PEX16: variants seen among roughly 807,000 people sequenced by gnomAD.
The protein encoded by PEX16 is peroxisomal biogenesis factor 16.
PEX16 carries 37 observed loss-of-function variants against 50.5 expected under a neutral mutation model. The observed-to-expected ratio is 0.73, with a 90% CI of 0.56 to 0.96. The LOEUF is 0.96. Ranked by LOEUF, PEX16 falls within the 40% of genes least tolerant of loss-of-function variation. The pLI, the probability that PEX16 is intolerant of heterozygous loss-of-function variation, is 0.00. For synonymous variants in PEX16, 185 were observed against 190.3 expected (o/e 0.97, Z 0.23); for missense variants, 401 against 438.3 (o/e 0.91, Z 0.76).
upstream of PEX16, chr11:45,918,034 C>G: frequency 1.6e-6 from 1 of 613,764 alleles, no homozygotes; most frequent in East Asian, 2.8e-5. Flanking sequence ...GGGCCCAAAC[C>G]CGGCCCCCTA....
At position 45,914,376 on chromosome 11, in the gene PEX16, G is replaced by C. The variant is rs766253527; in HGVS notation, c.634C>G (p.Pro212Ala). 1.9e-6 allele frequency: 3 copies of C among 1,610,844 alleles called. No individual in the cohort carries two copies. Among genetic ancestry groups the C allele is most frequent in the African/African-American group, 1.3e-5 (1 of 75,064 alleles). ...GCGATGGTCTCCTGCAGCCCCAGGG[G>C]GGTGGGGGTCGCACTCAGCTCCTCG... ...HHEELSATPT[P>A]LGLQETIAEF... The change falls in exon 7 of 11, where the codon CCC (proline) becomes GCC (alanine). Residue 212 changes from proline to alanine, a missense_variant. Coordinates refer to ENST00000378750, the MANE Select transcript of PEX16 (RefSeq NM_004813.4).
chr11:45,918,061 G>A (rs2134700550), upstream of PEX16: 1 of 569,602 alleles, frequency 1.8e-6, no homozygotes, highest in South Asian at 1.9e-5. Flanking sequence ...CAAGTCATTG[G>A]TTAGCACGCT....
upstream of PEX16, chr11:45,918,743 A>T (rs2086868147): frequency 6.6e-6 from 1 of 152,172 alleles, no homozygotes; most frequent in Non-Finnish European, 1.5e-5. Context: ...CCCCCAAGGG[A>T]AGGGGAGACC....
intron 2 of PEX16, 129 bp from the exon 3 acceptor site, chr11:45,916,432 C>T: frequency 2.6e-6 from 2 of 776,338 alleles, no homozygotes; most frequent in Non-Finnish European, 4.6e-6. Context: ...TGGAAACCAA[C>T]CTTCTTCTCC....
intron 9 of PEX16, among the ~76,000 whole-genome samples, chr11:45,913,340 A>C (rs549914936): frequency 1.1e-4 from 16 of 152,200 alleles, no homozygotes; most frequent in Middle Eastern, 3.4e-3. Flanking sequence ...GGACCCTCGC[A>C]GGTGACTGAG....
chr11:45,915,169 A>T (rs1175166016), intron 5 of PEX16, among the ~76,000 whole-genome samples: 1 of 152,224 alleles, frequency 6.6e-6, no homozygotes, highest in Non-Finnish European at 1.5e-5. Context: ...TCTAGAGGCT[A>T]TGGTTCTGGA....
intron 4 of PEX16, 47 bp from the exon 5 acceptor site, chr11:45,915,615 G>A (rs192396686): frequency 3.6e-5 from 58 of 1,612,450 alleles, no homozygotes; most frequent in Middle Eastern, 1.6e-4. Flanking sequence ...GCTAGCCGGC[G>A]GGAGGCCAGG....
chr11:45,915,344 C>T (rs2086822529), intron 5 of PEX16, 124 bp downstream of exon 5: 1 of 716,166 alleles, frequency 1.4e-6, no homozygotes, highest in East Asian at 2.6e-5. Context: ...GCAATGAGAA[C>T]ACATAGTTGA....
At chr11:45,913,171 G>A (rs1292745741) in intron 9 of PEX16, among the ~76,000 whole-genome samples, 3 of 152,060 alleles carry the variant, frequency 2.0e-5, no homozygotes, top group East Asian at 1.9e-4. Flanking sequence ...AGGGGGTCCC[G>A]GGAGCCTTGT....
At chr11:45,912,489 CCA>C (rs979209083) in intron 9 of PEX16, among the ~76,000 whole-genome samples, 37 of 152,044 alleles carry the variant, frequency 2.4e-4, no homozygotes, top group African/African-American at 8.7e-4. Context: ...GGCAACAGAG[CCA>C]GACTCCATCT....
rs2086855954 is a variant in PEX16 at position 45,917,826 on chromosome 11, C to A, written c.-15G>T. 5 of 1,513,210 alleles carry A rather than the reference C, an allele frequency of 3.3e-6. No homozygotes were observed. Among genetic ancestry groups the A allele is most frequent in the Non-Finnish European group, 4.5e-6 (5 of 1,123,586 alleles). 93.7% of individuals were successfully genotyped at this position (1,513,210 alleles called of 1,614,324 possible). A position where few individuals can be genotyped will look rare whatever the true frequency, so the allele number is the denominator to read the frequency against. On this transcript the variant is annotated 5_prime_UTR_variant, in exon 1 of 11. Coordinates refer to ENST00000378750, the MANE Select transcript of PEX16 (RefSeq NM_004813.4). ...AGCTTCTCCATCCTGCCCTCGGCAC[C>A]GACAGACCCACAGAAGGACCGTACG...
Position 45,917,461 on chromosome 11 carries a change from G to A in PEX16, c.145C>T (p.Leu49=), listed in dbSNP as rs754888151. 1 of 1,613,960 alleles carries A rather than the reference G, an allele frequency of 6.2e-7. No homozygotes were observed. The highest frequency in any genetic ancestry group is 8.5e-7 in the Non-Finnish European group (1 of 1,179,976). Residue 49 remains leucine (L), a synonymous_variant, in exon 2 of 11, where the codon CTG becomes TTG. Transcript: ENST00000378750. ...RFADSHELSE[L]VYSASNLLVL... is the part of the protein sequence containing the mutation. ...CCACCCCCAGAGCCCGGCTCACCCA[G>A]CTCTGACAGCTCGTGCGAATCGGCG...
At position 45,910,307 on chromosome 11, in the gene PEX16, G is replaced by A; in HGVS notation, c.958C>T (p.Leu320Phe). 2 of 1,613,500 alleles carry A rather than the reference G, an allele frequency of 1.2e-6. No homozygotes were observed. Among genetic ancestry groups the A allele is most frequent in the Non-Finnish European group, 1.7e-6 (2 of 1,179,672 alleles). Reference sequence around the variant, plus strand: ...TGCCAGGTGGGCAAGTAATCCATGAGCGGCCCTGCAGTGGGAGAGGGACAC... The same window carrying A: ...TGCCAGGTGGGCAAGTAATCCATGAACGGCCCTGCAGTGGGAGAGGGACAC... The part of the protein sequence containing the change: ...VPGVGLVTRP[L>F]MDYLPTWQKI... Residue 320 changes from leucine to phenylalanine, a missense_variant, in exon 11 of 11, where the codon CTC (leucine) becomes TTC (phenylalanine). Coordinates refer to ENST00000378750, the MANE Select transcript of PEX16 (RefSeq NM_004813.4).
chr11:45,914,034 A>T (rs2086805468), intron 8 of PEX16, 96 bp from the exon 9 acceptor site: 1 of 1,579,008 alleles, frequency 6.3e-7, no homozygotes, highest in African/African-American at 1.3e-5. Flanking sequence ...GGGCAGCAAC[A>T]GGAGGAGCAG....
upstream of PEX16, chr11:45,918,242 A>C: frequency 3.7e-6 from 1 of 270,296 alleles, no homozygotes; most frequent in Non-Finnish European, 7.4e-6. Flanking sequence ...ACGCCGAGAG[A>C]CTCGAACGGC....
intron 1 of PEX16, 83 bp downstream of exon 1, chr11:45,917,617 A>G: frequency 2.0e-6 from 3 of 1,474,210 alleles, no homozygotes; most frequent in African/African-American, 1.4e-5. Flanking sequence ...CACAGCGATC[A>G]CTACCCTGAC....
chr11:45,914,800 T>C (rs548878543), intron 5 of PEX16, 116 bp from the exon 6 acceptor site: 1 of 887,540 alleles, frequency 1.1e-6, no homozygotes, highest in African/African-American at 1.6e-5. Flanking sequence ...GAGCTTGTAC[T>C]ATGGCAACAG....
At chr11:45,911,008 G>A in intron 9 of PEX16, 46 bp from the exon 10 acceptor site, 1 of 1,373,682 alleles carries the variant, frequency 7.3e-7, no homozygotes, top group Non-Finnish European at 1.0e-6. Flanking sequence ...GGGTGGGGGT[G>A]GGTCCCTGCA....
intron 5 of PEX16, 79 bp from the exon 6 acceptor site, chr11:45,914,763 T>C (rs1426478359): frequency 1.7e-6 from 2 of 1,186,570 alleles, no homozygotes; most frequent in East Asian, 2.3e-5. Flanking sequence ...GTGCAGTGAA[T>C]GCTCAGGAGC....
Sources: gnomAD v4.1 joint callset for allele counts (sites outside exome capture counted in the v4.1 genomes callset) on GRCh38, gnomAD v4.1.1 for gene constraint, MANE v1.5 for transcripts, NCBI Gene and HGNC (gene_info 2026-07-23, HGNC 2026-07-21) for gene names.